The following NF1 variants were observed in gnomAD, a reference collection of about 807,000 sequenced individuals.
NF1 encodes the protein neurofibromin.
In NF1, 122 loss-of-function variants were observed where a neutral mutation model predicts 325.7. The observed-to-expected ratio is 0.37, with a 90% CI of 0.32 to 0.44. NF1 has a LOEUF of 0.44. Among genes scored for constraint, NF1 ranks in the 20% least tolerant of loss-of-function variants. NF1 has a pLI of 1.00. For missense variants in NF1, 2,140 were observed against 3,415.4 expected (o/e 0.63, Z 9.31); for synonymous variants, 1,091 against 1,186.0 (o/e 0.92, Z 1.65).
At chr17:31,188,295 T>C (rs2066278094) in intron 8 of NF1, among the ~76,000 whole-genome samples, 1 of 152,248 alleles carries the variant, frequency 6.6e-6, no homozygotes. Flanking sequence ...TTCCTCCTCC[T>C]TTTGTTAAAA....
At chr17:31,228,931 T>A (rs2067062373) in intron 20 of NF1, 94 bp from the exon 21 acceptor site, 2 of 1,010,238 alleles carry the variant, frequency 2.0e-6, no homozygotes, top group Non-Finnish European at 2.9e-6. Flanking sequence ...TTTTTGTACT[T>A]TTGTCATGGA....
intron 51 of NF1, among the ~76,000 whole-genome samples, chr17:31,355,516 C>G (rs1330861364): frequency 2.6e-5 from 4 of 152,120 alleles, no homozygotes; most frequent in Non-Finnish European, 5.9e-5. Context: ...GTTAAATTGT[C>G]AGATTTTATT....
At chr17:31,262,253 A>G (rs1478883716) in intron 35 of NF1, among the ~76,000 whole-genome samples, 7 of 152,222 alleles carry the variant, frequency 4.6e-5, no homozygotes, top group South Asian at 2.1e-4. Context: ...CTACTACACT[A>G]TAACATTTTT....
At chr17:31,132,599 T>C (rs1312888718) in intron 1 of NF1, among the ~76,000 whole-genome samples, 1 of 152,202 alleles carries the variant, frequency 6.6e-6, no homozygotes, top group East Asian at 1.9e-4. Flanking sequence ...TTTGTTAATT[T>C]TGTTGTTACA....
chr17:31,175,346 T>C (rs1229902453), intron 5 of NF1, among the ~76,000 whole-genome samples: 1 of 12,964 alleles, frequency 7.7e-5, no homozygotes, highest in Non-Finnish European at 3.1e-4. Flanking sequence ...GTGCTTTTGC[T>C]TTTTTTTTTT....
At chr17:31,142,093 C>T (rs989159172) in intron 1 of NF1, among the ~76,000 whole-genome samples, 2 of 152,160 alleles carry the variant, frequency 1.3e-5, no homozygotes, top group African/African-American at 2.4e-5. Flanking sequence ...CTAAGTGAAA[C>T]TAGAAACAAA....
intron 36 of NF1, chr17:31,313,853 A>G (rs1198760747): frequency 2.6e-6 from 1 of 391,340 alleles, no homozygotes; most frequent in East Asian, 3.6e-5. Flanking sequence ...TATGCAACAA[A>G]ACCACAAAAA....
chr17:31,247,169 C>T (rs934516037), intron 29 of NF1, among the ~76,000 whole-genome samples: 12 of 143,280 alleles, frequency 8.4e-5, no homozygotes, highest in African/African-American at 2.3e-4. Context: ...CACTCCAGCC[C>T]GGCAACAGAG....
At chr17:31,201,223 A>G in intron 10 of NF1, 64 bp downstream of exon 10, 1 of 1,595,738 alleles carries the variant, frequency 6.3e-7, no homozygotes, top group Admixed American at 1.7e-5. Flanking sequence ...AAACAAAAAG[A>G]CTATAGAGAT....
At chr17:31,179,699 C>T (rs546855565) in intron 5 of NF1, among the ~76,000 whole-genome samples, 4 of 151,852 alleles carry the variant, frequency 2.6e-5, no homozygotes, top group Non-Finnish European at 4.4e-5. Flanking sequence ...AGGAGAATGG[C>T]GTGCACCCGG....
chr17:31,153,237 A>G (rs899475313), intron 1 of NF1, among the ~76,000 whole-genome samples: 1 of 152,252 alleles, frequency 6.6e-6, no homozygotes. Context: ...AACTTTATTT[A>G]ATAATAACTT....
At chr17:31,191,480 G>A (rs1047983086) in intron 8 of NF1, among the ~76,000 whole-genome samples, 1 of 152,154 alleles carries the variant, frequency 6.6e-6, no homozygotes, top group African/African-American at 2.4e-5. Context: ...GGCAACATGT[G>A]TAAATCTCAA....
In NF1 at chr17:31,271,309, A is replaced by G. The variant is rs114594021; in HGVS notation, c.4835+5970A>G. ...TGTCATTGGCGCAATATCATTATAC[A>G]TTACAAAGGTTAGCAGAATTGGCAC... On this transcript the variant is annotated intron_variant, in intron 36 of 57. Transcript: ENST00000358273. Among the ~76,000 whole-genome samples the G allele has an allele frequency of 4.5e-3, 681 of 152,340 alleles. 7 individuals are homozygous for G. Among genetic ancestry groups the G allele is most frequent in the African/African-American group, 0.016 (650 of 41,576 alleles).
chr17:31,263,130 A>AGATAGAT (rs748437279), intron 35 of NF1, among the ~76,000 whole-genome samples: 1 of 102,634 alleles, frequency 9.7e-6, no homozygotes, highest in Non-Finnish European at 2.5e-5. Flanking sequence ...TAGATAAGAT[A>AGATAGAT]AGATAAGATA....
At chr17:31,128,892 C>T (rs1357157018) in intron 1 of NF1, among the ~76,000 whole-genome samples, 3 of 151,152 alleles carry the variant, frequency 2.0e-5, no homozygotes, top group Non-Finnish European at 4.4e-5. Context: ...CGCCACTGCA[C>T]TCCAGCCTGG....
At chr17:31,136,423 G>T (rs1430241296) in intron 1 of NF1, 1 of 150,952 alleles carries the variant, frequency 6.6e-6, no homozygotes, top group Non-Finnish European at 1.5e-5. Context: ...ATGGTTTGTT[G>T]CCCACAGTCA....
At chr17:31,214,315 TCTA>T in intron 12 of NF1, 133 bp from the exon 13 acceptor site, 1 of 638,366 alleles carries the variant, frequency 1.6e-6, no homozygotes, top group East Asian at 2.8e-5. Flanking sequence ...ATTGAGTGTT[TCTA>T]CTAATACCAC....
At chr17:31,295,726 CTTA>C in intron 36 of NF1, 1 of 1,614,088 alleles carries the variant, frequency 6.2e-7, no homozygotes, top group Non-Finnish European at 8.5e-7. Flanking sequence ...TGAATGTGAA[CTTA>C]TTGTTGTGCA....
intron 42 of NF1, 104 bp from the exon 43 acceptor site, chr17:31,337,264 T>C: frequency 1.1e-6 from 1 of 927,522 alleles, no homozygotes; most frequent in Non-Finnish European, 1.7e-6. Flanking sequence ...ATTATGTAAT[T>C]TTTATATGGT....
Sources: allele counts gnomAD v4.1 joint callset (sites outside exome capture counted in the v4.1 genomes callset), GRCh38; gene constraint gnomAD v4.1.1; transcripts MANE v1.5; gene names NCBI Gene and HGNC (gene_info 2026-07-23, HGNC 2026-07-21).